The following TXLNB variants were observed in gnomAD, a reference collection of about 807,000 sequenced individuals.
TXLNB encodes taxilin beta.
A neutral mutation model predicts 57.4 loss-of-function variants in TXLNB; 37 were observed. The ratio of observed to expected loss-of-function variants is 0.64; its 90% CI spans 0.50 to 0.85. The LOEUF (loss-of-function observed/expected upper bound fraction) is 0.85. TXLNB is among the 40% of genes least tolerant of loss of function. The pLI is 0.00. For missense variants in TXLNB, 848 were observed against 825.6 expected (o/e 1.03, Z -0.33); for synonymous variants, 302 against 309.6 (o/e 0.98, Z 0.26).
chr6:139,196,367 T>TTG, the TXLNB span, among the ~76,000 whole-genome samples: 1 of 20,478 alleles, frequency 4.9e-5, no homozygotes, highest in African/African-American at 3.6e-4. Flanking sequence ...CAGATCTGGT[T>TTG]TTTTTTTTTT....
the TXLNB span, among the ~76,000 whole-genome samples, chr6:139,226,912 AGCTAC>A: frequency 6.6e-6 from 1 of 152,190 alleles, no homozygotes; most frequent in Non-Finnish European, 1.5e-5. Context: ...CCATAGTCCC[AGCTAC>A]GCGGGAGGCT....
At chr6:139,248,997 A>T (rs1411361239) in intron 7 of TXLNB, among the ~76,000 whole-genome samples, 1 of 152,250 alleles carries the variant, frequency 6.6e-6, no homozygotes, top group East Asian at 1.9e-4. Context: ...TATCAAAATC[A>T]GTTTATTACA....
At chr6:139,318,285 A>AG in the TXLNB span, among the ~76,000 whole-genome samples, 5 of 151,124 alleles carry the variant, frequency 3.3e-5, no homozygotes, top group Admixed American at 2.0e-4. Flanking sequence ...AAAAAAAAAA[A>AG]AAAGAAAAGA....
intron 2 of TXLNB, among the ~76,000 whole-genome samples, chr6:139,284,300 C>T (rs1283969515): frequency 1.4e-5 from 2 of 144,694 alleles, no homozygotes; most frequent in Non-Finnish European, 3.1e-5. Context: ...GAGGCCGAGG[C>T]GGGTGGATCA....
chr6:139,304,402 T>G, the TXLNB span, among the ~76,000 whole-genome samples: 2,921 of 152,160 alleles, frequency 0.019, 99 homozygotes, highest in African/African-American at 0.067. Flanking sequence ...TGCAAAGAAA[T>G]AGGAAGAAAT....
At chr6:139,299,483 C>G in the TXLNB span, among the ~76,000 whole-genome samples, 1 of 152,222 alleles carries the variant, frequency 6.6e-6, no homozygotes, top group Non-Finnish European at 1.5e-5. Context: ...CCTCAGGCCA[C>G]CCATGGTTTT....
chr6:139,227,269 G>A, the TXLNB span, among the ~76,000 whole-genome samples: 2 of 151,938 alleles, frequency 1.3e-5, no homozygotes, highest in African/African-American at 2.4e-5. Flanking sequence ...AACCCGAGAG[G>A]TGGAGGTTGA....
chr6:139,275,561 T>G (rs1019265155), intron 3 of TXLNB, among the ~76,000 whole-genome samples: 6 of 152,240 alleles, frequency 3.9e-5, no homozygotes, highest in African/African-American at 1.4e-4. Flanking sequence ...TTAAAAATAC[T>G]GTTGGCAGGG....
At chr6:139,198,044 AACAT>A in the TXLNB span, among the ~76,000 whole-genome samples, 3 of 152,230 alleles carry the variant, frequency 2.0e-5, no homozygotes, top group Non-Finnish European at 4.4e-5. Context: ...GGAGGGGACA[AACAT>A]TCAAACCATA....
At chr6:139,313,816 C>T in the TXLNB span, among the ~76,000 whole-genome samples, 3 of 151,970 alleles carry the variant, frequency 2.0e-5, no homozygotes, top group South Asian at 2.1e-4. Flanking sequence ...GCCCCCCAAC[C>T]GACTGAATGA....
the TXLNB span, chr6:139,178,196 A>G: frequency 6.6e-6 from 1 of 152,252 alleles, no homozygotes; most frequent in Non-Finnish European, 1.5e-5. Flanking sequence ...TGTTTGAAAA[A>G]TAGACCATTC....
At chr6:139,284,064 C>G (rs1285228771) in intron 2 of TXLNB, among the ~76,000 whole-genome samples, 1 of 145,472 alleles carries the variant, frequency 6.9e-6, no homozygotes, top group East Asian at 2.0e-4. Context: ...GGGTGAACAT[C>G]TCCCATGCTC....
rs1485497165 is a variant in TXLNB at position 139,240,159 on chromosome 6, T to TA, written c.*2366dup. 2.6e-5 allele frequency: 4 copies of TA among 152,638 alleles called. No homozygotes were observed. Among genetic ancestry groups the TA allele is most frequent in the Non-Finnish European group, 4.4e-5 (3 of 68,026 alleles). The allele number at this position is 152,638 out of a possible 1,614,324, so 9.5% of individuals were successfully genotyped here. On this transcript the variant is annotated 3_prime_UTR_variant, in exon 10 of 10. Transcript: ENST00000358430. ...GTTTCTAGAAAGTAGATGGCATTTC[T>TA]AAAAAATAGTTACATACACTTGATA...
chr6:139,182,301 C>G, the TXLNB span, among the ~76,000 whole-genome samples: 78 of 152,068 alleles, frequency 5.1e-4, 1 homozygote, highest in Non-Finnish European at 1.8e-4. Context: ...TTATAAAGGA[C>G]TTGGGATATG....
At chr6:139,225,903 A>G in the TXLNB span, among the ~76,000 whole-genome samples, 1 of 152,230 alleles carries the variant, frequency 6.6e-6, no homozygotes, top group Non-Finnish European at 1.5e-5. Flanking sequence ...GAAGACTTAC[A>G]TTATCAGCTA....
chr6:139,244,258 C>CA (rs1379721708), intron 9 of TXLNB, among the ~76,000 whole-genome samples: 1 of 152,156 alleles, frequency 6.6e-6, no homozygotes, highest in Non-Finnish European at 1.5e-5. Flanking sequence ...TGTTATGTGT[C>CA]AGACACTGGG....
intron 2 of TXLNB, among the ~76,000 whole-genome samples, chr6:139,279,290 GGTTTTGTTT>G (rs377353507): frequency 2.2e-3 from 331 of 152,062 alleles, no homozygotes; most frequent in African/African-American, 7.1e-3. Context: ...GTTTCTTTTT[GGTTTTGTTT>G]GTTTTGTTTT....
At position 139,243,057 on chromosome 6, in the gene TXLNB, C is replaced by T. The variant is rs755556059; in HGVS notation, c.1524G>A (p.Met508Ile). ...GGGTTGACTCTGGATGATGAATTATCATGAAGGCTGTGGCCAGATTTTTCA... is the reference window on the plus strand; with the variant it reads ...GGGTTGACTCTGGATGATGAATTATTATGAAGGCTGTGGCCAGATTTTTCA... ...TAVKNLATAF[M>I]IIHHPESTPH... is the part of the protein sequence containing the mutation. The change falls in exon 10 of 10, where the codon ATG becomes ATA. Residue 508 changes from methionine to isoleucine, a missense_variant. Physicochemically the swap from Met to Ile is conservative, Grantham distance 10. Coordinates refer to ENST00000358430, the MANE Select transcript of TXLNB (RefSeq NM_153235.4). 1.6e-4 allele frequency: 258 copies of T among 1,614,026 alleles called. 1 individual carries two copies. Among genetic ancestry groups the T allele is most frequent in the Non-Finnish European group, 2.1e-4 (246 of 1,180,030 alleles).
chr6:139,229,525 G>A, the TXLNB span, among the ~76,000 whole-genome samples: 1 of 152,162 alleles, frequency 6.6e-6, no homozygotes, highest in African/African-American at 2.4e-5. Flanking sequence ...GCTTTACTAT[G>A]TTGGCCAGGC....
Sources: gnomAD v4.1 joint callset for allele counts (sites outside exome capture counted in the v4.1 genomes callset) on GRCh38, gnomAD v4.1.1 for gene constraint, MANE v1.5 for transcripts, NCBI Gene and HGNC (gene_info 2026-07-23, HGNC 2026-07-21) for gene names.